Variants in FAM200B observed in about 807,000 individuals in gnomAD.
FAM200B encodes the protein zinc finger BED-type containing 11.
A neutral mutation model predicts 33.1 loss-of-function variants in FAM200B; 32 were observed. The observed-to-expected ratio is 0.97, with a 90% CI of 0.73 to 1.30. The LOEUF is 1.30. Ranked by LOEUF, FAM200B falls within the 50% of genes most tolerant of loss-of-function variation. FAM200B has a pLI of 0.00. For missense variants in FAM200B, 741 were observed against 754.0 expected (o/e 0.98, Z 0.20); for synonymous variants, 240 against 264.8 (o/e 0.91, Z 0.91).
At chr4:15,681,095 T>C (rs539770614), upstream of FAM200B, among the ~76,000 whole-genome samples, 60 of 152,064 alleles carry the variant, frequency 3.9e-4, no homozygotes, top group Non-Finnish European at 7.1e-4. Flanking sequence ...GAAATATACA[T>C]ACATATTTAA....
the FAM200B span, among the ~76,000 whole-genome samples, chr4:15,644,090 C>T: frequency 6.6e-6 from 1 of 152,186 alleles, no homozygotes; most frequent in Admixed American, 6.5e-5. Context: ...ATCTCTCAGC[C>T]TTAGTATCTG....
the FAM200B span, chr4:15,644,722 T>TA: frequency 6.3e-7 from 1 of 1,575,602 alleles, no homozygotes; most frequent in South Asian, 1.1e-5. Context: ...AATAAAAATT[T>TA]AAAAAGAAAA....
upstream of FAM200B, among the ~76,000 whole-genome samples, chr4:15,677,016 A>C (rs1319557013): frequency 6.6e-6 from 1 of 152,200 alleles, no homozygotes; most frequent in African/African-American, 2.4e-5. Context: ...CATGCACTAC[A>C]ACTCCGTTTA....
the FAM200B span, among the ~76,000 whole-genome samples, chr4:15,661,496 T>A: frequency 6.6e-6 from 1 of 152,214 alleles, no homozygotes; most frequent in Non-Finnish European, 1.5e-5. Flanking sequence ...ATTTTCAGTG[T>A]TTGGGAACCT....
In FAM200B at chr4:15,688,891, A is replaced by G. The variant is rs1420230890; in HGVS notation, c.1914A>G (p.Ala638=). The change falls in exon 2 of 2, where the codon GCA becomes GCG. Residue 638 remains alanine (A), a synonymous_variant. Transcript: ENST00000422728. The part of the protein sequence containing the change: ...GLNCAAVMRV[A]LSSCVPDWNE... ...ATTGTGCAGCAGTTATGCGGGTAGC[A>G]TTATCTTCCTGTGTTCCAGACTGGA... 2.6e-6 allele frequency: 4 copies of G among 1,549,362 alleles called. No individual in the cohort carries two copies. Among genetic ancestry groups the G allele is most frequent in the Non-Finnish European group, 3.5e-6 (4 of 1,145,698 alleles).
the FAM200B span, among the ~76,000 whole-genome samples, chr4:15,656,576 G>T: frequency 6.6e-6 from 1 of 152,170 alleles, no homozygotes; most frequent in East Asian, 1.9e-4. Flanking sequence ...ACCCTATTTA[G>T]TTCTAATCTT....
the FAM200B span, chr4:15,644,357 T>C: frequency 1.4e-6 from 1 of 702,830 alleles, no homozygotes; most frequent in African/African-American, 1.8e-5. Context: ...TAGTCTTCCT[T>C]GCCATCTTTA....
the FAM200B span, chr4:15,656,152 G>A: frequency 2.2e-6 from 1 of 455,918 alleles, no homozygotes; most frequent in Non-Finnish European, 4.4e-6. Flanking sequence ...AATAATGGAA[G>A]GTTGGTGCGG....
the FAM200B span, among the ~76,000 whole-genome samples, chr4:15,667,225 G>A: frequency 5.3e-5 from 8 of 152,248 alleles, no homozygotes; most frequent in African/African-American, 9.6e-5. Flanking sequence ...ACATGATCAC[G>A]GGCAACCTCT....
chr4:15,649,517 T>A, the FAM200B span, among the ~76,000 whole-genome samples: 1 of 147,186 alleles, frequency 6.8e-6, no homozygotes, highest in Admixed American at 6.9e-5. Context: ...GAGGCAGAGG[T>A]TGCAGTGAGC....
At chr4:15,665,754 C>T in the FAM200B span, among the ~76,000 whole-genome samples, 2 of 152,108 alleles carry the variant, frequency 1.3e-5, no homozygotes, top group African/African-American at 4.8e-5. Flanking sequence ...TATCTGGCCC[C>T]CAGTCCAAAA....
chr4:15,685,044 G>C (rs1718701066), intron 1 of FAM200B: 2 of 152,136 alleles, frequency 1.3e-5, no homozygotes, highest in Non-Finnish European at 2.9e-5. Flanking sequence ...AGAAGTCATG[G>C]TCTGCAAAAT....
chr4:15,664,620 C>G, the FAM200B span, among the ~76,000 whole-genome samples: 4 of 126,400 alleles, frequency 3.2e-5, no homozygotes. Flanking sequence ...TGCAATGGTA[C>G]GATCTCAGCT....
At position 15,688,651 on chromosome 4, in the gene FAM200B, A is replaced by C. The variant is rs1358234590; in HGVS notation, c.1674A>C (p.Glu558Asp). ...SIIELNLVPE[E>D]ENELLQLSSS... ...TTGAGCTAAACTTGGTGCCTGAAGA[A>C]GAGAATGAATTATTGCAGCTTAGTT... is the stretch of plus-strand genomic sequence containing the variant. Residue 558 changes from glutamate to aspartate, a missense_variant, in exon 2 of 2, where the codon GAA (glutamate) becomes GAC (aspartate). Transcript: ENST00000422728. 5 of 1,551,376 alleles carry C rather than the reference A, an allele frequency of 3.2e-6. No homozygotes were observed. Among genetic ancestry groups the C allele is most frequent in the Non-Finnish European group, 4.4e-6 (5 of 1,146,712 alleles).
At chr4:15,681,367 G>T, upstream of FAM200B, 2 of 167,310 alleles carry the variant, frequency 1.2e-5, no homozygotes, top group South Asian at 3.2e-4. Flanking sequence ...CGGCAGGAGC[G>T]ATTCAGCGCC....
At chr4:15,638,955 G>A in the FAM200B span, among the ~76,000 whole-genome samples, 11 of 152,044 alleles carry the variant, frequency 7.2e-5, no homozygotes, top group Non-Finnish European at 1.3e-4. Flanking sequence ...ACCTGAGGTC[G>A]GGAGTTCGAG....
chr4:15,662,200 C>A, the FAM200B span, among the ~76,000 whole-genome samples: 1 of 152,170 alleles, frequency 6.6e-6, no homozygotes, highest in Non-Finnish European at 1.5e-5. Flanking sequence ...TGAGGGCCAT[C>A]TTTGAAGCTG....
At chr4:15,649,594 AAAAG>A in the FAM200B span, among the ~76,000 whole-genome samples, 1 of 150,648 alleles carries the variant, frequency 6.6e-6, no homozygotes, top group African/African-American at 2.5e-5. Flanking sequence ...AAAAAAAAAA[AAAAG>A]AAAGAAAGAA....
At position 15,687,510 on chromosome 4, in the gene FAM200B, TG is replaced by T; in HGVS notation, c.535del (p.Val179CysfsTer13). On this transcript the variant is annotated frameshift_variant, in exon 2 of 2. Coordinates refer to ENST00000422728, the MANE Select transcript of FAM200B (RefSeq NM_001145191.2). LOFTEE classifies it high-confidence loss of function. The part of the protein sequence containing the change: ...EKIILPACLD[M>X]VRTIFDDKSA... Reference sequence around the variant, plus strand: ...ATTATTCTTCCAGCATGTTTGGATATGGTGCGTACAATATTTGATGATAAAT... The same window carrying T: ...ATTATTCTTCCAGCATGTTTGGATATGTGCGTACAATATTTGATGATAAAT... 2.6e-6 allele frequency: 4 copies of T among 1,551,098 alleles called. No individual in the cohort carries two copies. The highest frequency in any genetic ancestry group is 3.5e-6 in the Non-Finnish European group (4 of 1,146,772).
Sources: gnomAD v4.1 joint callset for allele counts (sites outside exome capture counted in the v4.1 genomes callset) on GRCh38, gnomAD v4.1.1 for gene constraint, MANE v1.5 for transcripts, NCBI Gene and HGNC (gene_info 2026-07-23, HGNC 2026-07-21) for gene names.